GALNT13: variants seen among roughly 807,000 people sequenced by gnomAD.
GALNT13 encodes polypeptide N-acetylgalactosaminyltransferase 13.
A neutral mutation model predicts 64.2 loss-of-function variants in GALNT13; 28 were observed. The observed-to-expected ratio is 0.44, with a 90% confidence interval of 0.32 to 0.60. The LOEUF (loss-of-function observed/expected upper bound fraction) is 0.60. GALNT13 is among the 20% of genes least tolerant of loss of function. The pLI, the probability that GALNT13 is intolerant of heterozygous loss-of-function variation, is 0.05. For missense variants in GALNT13, 577 were observed against 669.8 expected (o/e 0.86, Z 1.53); for synonymous variants, 214 against 224.6 (o/e 0.95, Z 0.42).
chr2:153,638,425 C>T, the GALNT13 span, among the ~76,000 whole-genome samples: 3,458 of 26,920 alleles, frequency 0.13, 1,124 homozygotes, highest in African/African-American at 0.26. Context: ...TGCCTGGACA[C>T]CCGGGATAGT....
chr2:153,193,254 G>A, the GALNT13 span, among the ~76,000 whole-genome samples: 1 of 151,678 alleles, frequency 6.6e-6, no homozygotes, highest in Non-Finnish European at 1.5e-5. Flanking sequence ...ATACACCATG[G>A]AATACTATGC....
chr2:153,599,954 C>T, the GALNT13 span, among the ~76,000 whole-genome samples: 3 of 152,002 alleles, frequency 2.0e-5, no homozygotes, highest in East Asian at 5.8e-4. Context: ...GGTATGACTC[C>T]ACCAGCCTTA....
chr2:153,543,986 T>A, the GALNT13 span, among the ~76,000 whole-genome samples: 2 of 152,128 alleles, frequency 1.3e-5, no homozygotes, highest in Non-Finnish European at 2.9e-5. Flanking sequence ...GCTCCTACCA[T>A]CCCTTCAGAT....
chr2:153,483,441 G>T, the GALNT13 span, among the ~76,000 whole-genome samples: 55 of 129,204 alleles, frequency 4.3e-4, no homozygotes, highest in African/African-American at 1.5e-3. Context: ...TTTTGATACG[G>T]AGTTTTACTC....
At chr2:154,358,332 A>AT (rs1433409604) in intron 9 of GALNT13, among the ~76,000 whole-genome samples, 1 of 151,972 alleles carries the variant, frequency 6.6e-6, no homozygotes. Context: ...GTAGAAACCT[A>AT]TTTTTTCCAC....
intron 11 of GALNT13, among the ~76,000 whole-genome samples, chr2:154,428,615 A>G (rs558541513): frequency 2.0e-5 from 3 of 152,256 alleles, no homozygotes; most frequent in African/African-American, 7.2e-5. Flanking sequence ...CTTTTTAACA[A>G]ATTGAATGTT....
the GALNT13 span, among the ~76,000 whole-genome samples, chr2:153,108,848 G>A: frequency 6.6e-6 from 1 of 152,140 alleles, no homozygotes; most frequent in Non-Finnish European, 1.5e-5. Context: ...GATGCTCCAG[G>A]TTGGAATATA....
chr2:153,693,410 G>A, the GALNT13 span, among the ~76,000 whole-genome samples: 57 of 152,110 alleles, frequency 3.7e-4, no homozygotes, highest in Non-Finnish European at 7.6e-4. Flanking sequence ...ATAAAATTAG[G>A]TGTATATAGC....
At chr2:154,218,586 C>T (rs1346178765) in intron 4 of GALNT13, among the ~76,000 whole-genome samples, 1 of 152,054 alleles carries the variant, frequency 6.6e-6, no homozygotes, top group East Asian at 1.9e-4. Flanking sequence ...TGCTCCTCTC[C>T]CAAGTGTCAC....
chr2:154,411,175 A>C (rs1699775302), intron 11 of GALNT13, among the ~76,000 whole-genome samples: 1 of 152,036 alleles, frequency 6.6e-6, no homozygotes, highest in East Asian at 1.9e-4. Context: ...AAAACAGCTC[A>C]GGGATTCATA....
chr2:154,222,817 A>G (rs1230321986), intron 4 of GALNT13, among the ~76,000 whole-genome samples: 1 of 152,180 alleles, frequency 6.6e-6, no homozygotes, highest in African/African-American at 2.4e-5. Context: ...TGGATTCGAA[A>G]GAGAAGCATC....
the GALNT13 span, among the ~76,000 whole-genome samples, chr2:153,358,824 T>C: frequency 2.0e-5 from 3 of 152,260 alleles, no homozygotes; most frequent in South Asian, 6.2e-4. Flanking sequence ...CTCCTCCCGA[T>C]TTTCCCCTCC....
intron 3 of GALNT13, among the ~76,000 whole-genome samples, chr2:153,997,018 T>C (rs1017954594): frequency 1.3e-5 from 2 of 152,136 alleles, no homozygotes; most frequent in African/African-American, 4.8e-5. Context: ...TCTATTCTGT[T>C]CTGTTGGTCT....
intron 9 of GALNT13, among the ~76,000 whole-genome samples, chr2:154,311,408 G>C (rs558447053): frequency 6.6e-6 from 1 of 152,046 alleles, no homozygotes; most frequent in Non-Finnish European, 1.5e-5. Flanking sequence ...TGCCCCACAA[G>C]CCACAAAAAC....
At chr2:154,332,149 C>T (rs1476129155) in intron 9 of GALNT13, among the ~76,000 whole-genome samples, 1 of 152,018 alleles carries the variant, frequency 6.6e-6, no homozygotes, top group Non-Finnish European at 1.5e-5. Context: ...ACCCTTATGA[C>T]CTTGTCTTTT....
the GALNT13 span, among the ~76,000 whole-genome samples, chr2:153,213,934 C>A: frequency 6.6e-6 from 1 of 152,128 alleles, no homozygotes; most frequent in Non-Finnish European, 1.5e-5. Context: ...CTGTGCTGAA[C>A]ATAACTCAGC....
the GALNT13 span, among the ~76,000 whole-genome samples, chr2:153,384,487 A>T: frequency 1.3e-5 from 2 of 152,002 alleles, no homozygotes; most frequent in African/African-American, 4.8e-5. Context: ...TGTGGACTGT[A>T]TAAAGTAGGA....
At chr2:154,237,407 T>C (rs1689249205) in intron 4 of GALNT13, among the ~76,000 whole-genome samples, 1 of 151,412 alleles carries the variant, frequency 6.6e-6, no homozygotes, top group Non-Finnish European at 1.5e-5. Flanking sequence ...CTATTTGTTT[T>C]GTTTTAAGTA....
the GALNT13 span, among the ~76,000 whole-genome samples, chr2:153,296,226 G>A: frequency 6.6e-6 from 1 of 152,092 alleles, no homozygotes; most frequent in African/African-American, 2.4e-5. Flanking sequence ...CTAGAAAGGG[G>A]ACCCCAGGAG....
Sources: allele counts gnomAD v4.1 joint callset (sites outside exome capture counted in the v4.1 genomes callset), GRCh38; gene constraint gnomAD v4.1.1; transcripts MANE v1.5; gene names NCBI Gene and HGNC (gene_info 2026-07-23, HGNC 2026-07-21).